The following PISD variants were observed in gnomAD, a reference collection of about 807,000 sequenced individuals.
PISD encodes phosphatidylserine decarboxylase.
A neutral mutation model predicts 43.5 loss-of-function variants in PISD; 31 were observed. The ratio of observed to expected loss-of-function variants is 0.71; its 90% CI spans 0.54 to 0.96. PISD has a LOEUF of 0.96. PISD is among the 40% of genes least tolerant of loss of function. The pLI is 0.00. For synonymous variants in PISD, 259 were observed against 228.7 expected (o/e 1.13, Z -1.20); for missense variants, 523 against 548.4 (o/e 0.95, Z 0.46).
intron 3 of PISD, among the ~76,000 whole-genome samples, chr22:31,632,469 GA>G (rs1165600116): frequency 6.6e-6 from 1 of 152,000 alleles, no homozygotes; most frequent in Admixed American, 6.6e-5. Flanking sequence ...ACACTGATGA[GA>G]AAAAAAATCT....
At chr22:31,659,994 T>C (rs1295012393) in intron 1 of PISD, among the ~76,000 whole-genome samples, 2 of 152,136 alleles carry the variant, frequency 1.3e-5, no homozygotes, top group Non-Finnish European at 2.9e-5. Context: ...TTTTATCAAA[T>C]GAGTTTAGGA....
intron 3 of PISD, chr22:31,625,953 GGC>G (rs2072887067): frequency 1.3e-6 from 2 of 1,487,008 alleles, no homozygotes; most frequent in Non-Finnish European, 1.8e-6. Flanking sequence ...GCTGGTTGGT[GGC>G]GCCGCTTCCT....
chr22:31,637,162 AAAATATAT>A (rs1334352238), intron 3 of PISD, among the ~76,000 whole-genome samples: 3 of 15,472 alleles, frequency 1.9e-4, no homozygotes, highest in African/African-American at 3.7e-4. Flanking sequence ...AAAAAAAAAA[AAAATATAT>A]ATATATATAT....
chr22:31,639,107 T>C (rs2073612406), intron 3 of PISD, among the ~76,000 whole-genome samples: 2 of 150,826 alleles, frequency 1.3e-5, no homozygotes, highest in Admixed American at 1.3e-4. Context: ...GATTCTCCTG[T>C]CTCAGCCTCT....
intron 3 of PISD, chr22:31,623,668 G>T (rs745807486): frequency 6.2e-7 from 1 of 1,608,890 alleles, no homozygotes; most frequent in South Asian, 1.1e-5. Context: ...AGCCACAGGG[G>T]CCTGTGCACA....
At position 31,619,841 on chromosome 22, in the gene PISD, G is replaced by A. The variant is rs745773412; in HGVS notation, c.1006-5C>T. The A allele has an allele frequency of 6.8e-6, 11 of 1,606,212 alleles. No individual in the cohort carries two copies. The highest frequency in any genetic ancestry group is 1.7e-5 in the Admixed American group (1 of 59,586). Reference sequence around the variant, plus strand: ...TGGGCTGTTTGTGTGCAGGTCCTGTGGTGATAGGCTGGGGGTCAGTGGGGC... The same window carrying A: ...TGGGCTGTTTGTGTGCAGGTCCTGTAGTGATAGGCTGGGGGTCAGTGGGGC... On this transcript the variant is annotated splice_region_variant and splice_polypyrimidine_tract_variant and intron_variant, in intron 7 of 7. Coordinates refer to ENST00000439502, the MANE Select transcript of PISD (RefSeq NM_001326411.2).
intron 3 of PISD, among the ~76,000 whole-genome samples, chr22:31,625,066 G>A (rs1003042962): frequency 6.6e-6 from 1 of 152,128 alleles, no homozygotes; most frequent in Non-Finnish European, 1.5e-5. Context: ...GCTAATCTAC[G>A]GCTGCCATCT....
rs1250870633 is a variant in PISD, at chr22:31,619,605, A to C, written c.*7T>G. On this transcript the variant is annotated 3_prime_UTR_variant, in exon 8 of 8. Coordinates refer to ENST00000439502, the MANE Select transcript of PISD (RefSeq NM_001326411.2). ...ATCCCTTAGCAGCCATAATCAGGAA[A>C]GAGACTCTAGAGCGAGCCCAGGGCT... 6.2e-7 allele frequency: 1 copy of C among 1,609,022 alleles called. No individual in the cohort carries two copies. The highest frequency in any genetic ancestry group is 8.5e-7 in the Non-Finnish European group (1 of 1,175,596).
intron 3 of PISD, among the ~76,000 whole-genome samples, chr22:31,644,993 G>C (rs527965800): frequency 1.3e-5 from 2 of 152,160 alleles, no homozygotes; most frequent in East Asian, 3.9e-4. Context: ...GCAGTAATAG[G>C]CACCTGTAAT....
At chr22:31,640,255 G>A (rs903312343) in intron 3 of PISD, among the ~76,000 whole-genome samples, 2 of 148,890 alleles carry the variant, frequency 1.3e-5, no homozygotes, top group Admixed American at 6.7e-5. Flanking sequence ...CTGGAGTGCA[G>A]TGGCACAATC....
At chr22:31,625,775 C>CGGAGCTCT in intron 3 of PISD, 1 of 1,594,216 alleles carries the variant, frequency 6.3e-7, no homozygotes, top group Non-Finnish European at 8.5e-7. Context: ...TTTCGCCGCG[C>CGGAGCTCT]GGAGCTCTGG....
At chr22:31,660,802 T>G (rs1217078005) in intron 1 of PISD, among the ~76,000 whole-genome samples, 2 of 152,284 alleles carry the variant, frequency 1.3e-5, no homozygotes, top group Non-Finnish European at 2.9e-5. Context: ...GGCGCAGTCT[T>G]GGCTTATTGC....
chr22:31,662,371 A>G (rs1399523287), upstream of PISD: 9 of 682,034 alleles, frequency 1.3e-5, no homozygotes, highest in Admixed American at 2.2e-4. Flanking sequence ...CCCGCTTGGC[A>G]CCTGCGGAGG....
At chr22:31,659,847 G>T (rs2074272652) in intron 1 of PISD, among the ~76,000 whole-genome samples, 1 of 152,080 alleles carries the variant, frequency 6.6e-6, no homozygotes, top group Non-Finnish European at 1.5e-5. Flanking sequence ...CTCCCAAAGT[G>T]CTGGGATTAC....
upstream of PISD, chr22:31,662,246 C>G: frequency 6.3e-7 from 1 of 1,590,230 alleles, no homozygotes; most frequent in Non-Finnish European, 8.5e-7. Flanking sequence ...GCCCCCTTCA[C>G]ACGCTGGGCG....
intron 1 of PISD, among the ~76,000 whole-genome samples, chr22:31,652,638 C>A (rs1177218407): frequency 6.6e-6 from 1 of 151,538 alleles, no homozygotes; most frequent in African/African-American, 2.4e-5. Context: ...GCAACCCCGT[C>A]TCTACTAAAA....
intron 1 of PISD, among the ~76,000 whole-genome samples, chr22:31,657,410 C>T (rs1245600547): frequency 1.3e-5 from 2 of 152,192 alleles, no homozygotes; most frequent in Non-Finnish European, 2.9e-5. Flanking sequence ...GCTGGGATTA[C>T]AGGCGTGAGC....
At chr22:31,629,314 G>T in intron 3 of PISD, 1 of 686,680 alleles carries the variant, frequency 1.5e-6, no homozygotes, top group Non-Finnish European at 1.8e-6. Flanking sequence ...ATGGAGGGGT[G>T]CGTGTATAGG....
chr22:31,630,902 C>CA lies in PISD; in HGVS notation c.322-9018dup, dbSNP rs1461247717. On this transcript the variant is annotated intron_variant, in intron 3 of 7. Coordinates refer to ENST00000439502, the MANE Select transcript of PISD (RefSeq NM_001326411.2). This position sits in a 1 kb window ranked among gnomAD's most constrained non-coding sequence, Gnocchi z 4.4. ...GGGCGGGGCTCGGGCTCCAGCCACT[C>CA]AGACTACCAGGGGCGGGGGCAGGAG... 9 of 976,096 alleles carry CA rather than the reference C, an allele frequency of 9.2e-6. No homozygotes were observed. Among genetic ancestry groups the CA allele is most frequent in the Non-Finnish European group, 1.1e-5 (9 of 821,494 alleles). The allele number at this position is 976,096 out of a possible 1,614,324, so 60.5% of individuals were successfully genotyped here.
Sources: gnomAD v4.1 joint callset for allele counts (sites outside exome capture counted in the v4.1 genomes callset) on GRCh38, gnomAD v4.1.1 for gene constraint, Gnocchi (gnomAD v3.1) non-coding constraint, MANE v1.5 for transcripts, NCBI Gene and HGNC (gene_info 2026-07-23, HGNC 2026-07-21) for gene names.